HEATR3: variants seen among roughly 807,000 people sequenced by gnomAD.
HEATR3 encodes HEAT repeat-containing protein 3.
In HEATR3, 56 loss-of-function variants were observed where a neutral mutation model predicts 72.8. That is an observed-to-expected ratio of 0.77 (90% CI 0.62 to 0.96). The LOEUF is 0.96. Among genes scored for constraint, HEATR3 ranks in the 40% least tolerant of loss-of-function variants. HEATR3 has a pLI of 0.00. For synonymous variants in HEATR3, 331 were observed against 318.1 expected (o/e 1.04, Z -0.43); for missense variants, 747 against 831.4 (o/e 0.90, Z 1.25).
chr16:50,107,230 A>G lies in HEATR3; in HGVS notation c.*2169A>G, dbSNP rs2037504568. Among the ~76,000 whole-genome samples, 1 of 152,246 alleles carries G rather than the reference A, an allele frequency of 6.6e-6. No homozygotes were observed. The highest frequency in any genetic ancestry group is 2.1e-4 in the South Asian group (1 of 4,836). On this transcript the variant is annotated 3_prime_UTR_variant, in exon 15 of 15. Coordinates refer to ENST00000299192, the MANE Select transcript of HEATR3 (RefSeq NM_182922.4). ...GGACCTAGTATATAGTCGACTCTTCATAAATATTTGTTGAGTAAATAAATG... is the reference window on the plus strand; with the variant it reads ...GGACCTAGTATATAGTCGACTCTTCGTAAATATTTGTTGAGTAAATAAATG...
intron 3 of HEATR3, chr16:50,069,274 A>G (rs1452329809): frequency 6.0e-6 from 1 of 166,156 alleles, no homozygotes; most frequent in Non-Finnish European, 1.3e-5. Context: ...GACATTAGGA[A>G]CTTGTGAAGA....
chr16:50,104,887 G>T (rs921702854), intron 14 of HEATR3, 52 bp from the exon 15 acceptor site: 34 of 1,460,742 alleles, frequency 2.3e-5, no homozygotes, highest in Non-Finnish European at 3.1e-5. Flanking sequence ...TTATTTAAAT[G>T]AATTAATCAT....
chr16:50,104,782 C>T (rs766496980), intron 14 of HEATR3, among the ~76,000 whole-genome samples, 157 bp from the exon 15 acceptor site: 4 of 152,090 alleles, frequency 2.6e-5, no homozygotes, highest in Non-Finnish European at 4.4e-5. Context: ...CTTTACTTAC[C>T]GAGTTCCATT....
chr16:50,093,468 G>A (rs1368431233), intron 11 of HEATR3, among the ~76,000 whole-genome samples: 4 of 152,158 alleles, frequency 2.6e-5, no homozygotes, highest in African/African-American at 4.8e-5. Flanking sequence ...ATTTGGCAAC[G>A]TCTGGAGGTA....
Position 50,084,664 on chromosome 16 carries a change from C to A in HEATR3, c.1373+13C>A. The A allele has an allele frequency of 6.5e-7, 1 of 1,542,350 alleles. No homozygotes were observed. The highest frequency in any genetic ancestry group is 2.2e-5 in the East Asian group (1 of 44,530). On this transcript the variant is annotated intron_variant, in intron 10 of 14. Transcript: ENST00000299192. ...CTTTGATTAGAAAGTAAGAACTCTT[C>A]TGCTTTCAAAAACATTTGTCATTAT...
At position 50,072,705 on chromosome 16, in the gene HEATR3, A is replaced by G. The variant is rs34927843; in HGVS notation, c.613A>G (p.Ile205Val). 851 of 1,564,078 alleles carry G rather than the reference A, an allele frequency of 5.4e-4. 3 individuals are homozygous for G. In the African/African-American group the frequency reaches 9.5e-3, roughly 18 times the overall value. Residue 205 changes from isoleucine (I) to valine (V), a missense_variant, in exon 5 of 15, where the codon ATT (isoleucine) becomes GTT (valine). This residue lies in a region of HEATR3 where 586 missense variants were observed against 708.8 expected (regional missense o/e 0.83). Transcript: ENST00000299192. ...GTTTCCTACCAATGTTGACCTGGCTATTTCAGTAGGTAAGTGAAGAAAAGG... is the reference window on the plus strand; with the variant it reads ...GTTTCCTACCAATGTTGACCTGGCTGTTTCAGTAGGTAAGTGAAGAAAAGG... Reference protein sequence around the residue: ...SRFPTNVDLAISVAYCLQTVT... With the variant: ...SRFPTNVDLAVSVAYCLQTVT...
At chr16:50,093,280 G>A (rs1018749036) in intron 11 of HEATR3, among the ~76,000 whole-genome samples, 1 of 152,184 alleles carries the variant, frequency 6.6e-6, no homozygotes, top group African/African-American at 2.4e-5. Context: ...TACGTAACAA[G>A]TTATTCCAAA....
rs1026756148 is a variant in HEATR3 at position 50,083,559 on chromosome 16, G to C, written c.1042-378G>C. 6.6e-5 allele frequency among the ~76,000 whole-genome samples: 10 copies of C among 152,078 alleles called. 1 individual carries two copies. Among genetic ancestry groups the C allele is most frequent in the Admixed American group, 5.9e-4 (9 of 15,268 alleles). On this transcript the variant is annotated intron_variant, in intron 7 of 14. Transcript: ENST00000299192. ...GCAGGTTTGGTGTTTCTAAGTGCCTGGTGTCTGAAATGAACTCTTGTTTAA... is the reference window on the plus strand; with the variant it reads ...GCAGGTTTGGTGTTTCTAAGTGCCTCGTGTCTGAAATGAACTCTTGTTTAA...
chr16:50,104,273 C>A (rs569812519), intron 14 of HEATR3, among the ~76,000 whole-genome samples: 1 of 152,078 alleles, frequency 6.6e-6, no homozygotes, highest in Admixed American at 6.6e-5. Flanking sequence ...GGATCACTTG[C>A]GTCCGGGAGG....
intron 7 of HEATR3, among the ~76,000 whole-genome samples, chr16:50,081,881 G>C (rs973899040): frequency 6.6e-6 from 1 of 152,114 alleles, no homozygotes; most frequent in African/African-American, 2.4e-5. Context: ...TCTAGTTCCC[G>C]TCACGCTGTC....
At chr16:50,092,418 CTTTTTTTTTTCTTTTTTCT>C (rs2037133942) in intron 11 of HEATR3, among the ~76,000 whole-genome samples, 1 of 81,474 alleles carries the variant, frequency 1.2e-5, no homozygotes, top group East Asian at 3.2e-4. Flanking sequence ...CCAGGTCATT[CTTTTTTTTTTCTTTTTTCT>C]TTTTTTTTTT....
chr16:50,093,831 C>G (rs1008894976), intron 11 of HEATR3, among the ~76,000 whole-genome samples: 9 of 152,170 alleles, frequency 5.9e-5, no homozygotes, highest in African/African-American at 2.2e-4. Context: ...AAAGAGCATG[C>G]ACACATGCGT....
rs368796491 is a variant in HEATR3, at chr16:50,066,438, G to C, written c.210G>C (p.Pro70=). 5.6e-6 allele frequency: 8 copies of C among 1,434,636 alleles called. No individual in the cohort carries two copies. The highest frequency in any genetic ancestry group is 2.9e-5 in the East Asian group (1 of 35,036). 88.9% of individuals were successfully genotyped at this position (1,434,636 alleles called of 1,614,324 possible). ...AGLARLVQQR[P]ALPGLARRDA... is the part of the protein sequence containing the mutation. ...TGGCCCGGCTGGTGCAGCAGCGGCC[G>C]GCACTCCCGGGCCTGGCGCGACGAG... Residue 70 remains proline, a synonymous_variant, in exon 2 of 15, where the codon CCG becomes CCC. Transcript: ENST00000299192.
chr16:50,067,492 C>T (rs2036524120), intron 2 of HEATR3, among the ~76,000 whole-genome samples: 1 of 149,362 alleles, frequency 6.7e-6, no homozygotes, highest in Admixed American at 6.8e-5. Context: ...AAGCAGCAGG[C>T]AGCTTGACGT....
intron 5 of HEATR3, chr16:50,074,960 C>T (rs147567695): frequency 0.011 from 1,580 of 149,638 alleles, 23 homozygotes; most frequent in Middle Eastern, 0.046. Flanking sequence ...CTAGCCTGGG[C>T]GACAGAGCGA....
intron 2 of HEATR3, among the ~76,000 whole-genome samples, chr16:50,067,373 T>C (rs1383269291): frequency 2.0e-5 from 3 of 149,720 alleles, no homozygotes; most frequent in Non-Finnish European, 4.4e-5. Context: ...AAAAAGGTGC[T>C]CTTTAGATGA....
Position 50,102,248 on chromosome 16 carries a change from G to A in HEATR3, c.1744-11G>A, listed in dbSNP as rs569930834. On this transcript the variant is annotated splice_polypyrimidine_tract_variant and intron_variant, in intron 13 of 14. Coordinates refer to ENST00000299192, the MANE Select transcript of HEATR3 (RefSeq NM_182922.4). Reference sequence around the variant, plus strand: ...GTGTTAGTCATACTAAATGTGTTTTGTTGTTTCCAGAACATTGGGTGCTTT... The same window carrying A: ...GTGTTAGTCATACTAAATGTGTTTTATTGTTTCCAGAACATTGGGTGCTTT... 3.7e-6 allele frequency: 6 copies of A among 1,607,044 alleles called. No individual in the cohort carries two copies. In the Admixed American group the frequency reaches 5.2e-5, roughly 14 times the overall value.
intron 6 of HEATR3, among the ~76,000 whole-genome samples, chr16:50,078,314 A>G (rs1295954272): frequency 6.6e-6 from 1 of 152,180 alleles, no homozygotes; most frequent in African/African-American, 2.4e-5. Context: ...TTTGATAATC[A>G]AAAAATTAAG....
In HEATR3 at chr16:50,105,727, G is replaced by A. The variant is rs1353494007; in HGVS notation, c.*666G>A. 1.3e-5 allele frequency: 2 copies of A among 150,406 alleles called. No individual in the cohort carries two copies. Among genetic ancestry groups the A allele is most frequent in the Non-Finnish European group, 3.0e-5 (2 of 67,688 alleles). 9.3% of individuals were successfully genotyped at this position (150,406 alleles called of 1,614,324 possible). A position where few individuals can be genotyped will look rare whatever the true frequency, so the allele number is the denominator to read the frequency against. Reference sequence around the variant, plus strand: ...CCACCACACCTTGTTTTTGTTTTTGGTTTTTTGGTTTGTTTTTTTTTTTCA... The same window carrying A: ...CCACCACACCTTGTTTTTGTTTTTGATTTTTTGGTTTGTTTTTTTTTTTCA... On this transcript the variant is annotated 3_prime_UTR_variant, in exon 15 of 15. Coordinates refer to ENST00000299192, the MANE Select transcript of HEATR3 (RefSeq NM_182922.4).
Sources: allele counts gnomAD v4.1 joint callset (sites outside exome capture counted in the v4.1 genomes callset), GRCh38; gene constraint gnomAD v4.1.1; regional missense constraint gnomAD v4.1.1; transcripts MANE v1.5; gene names NCBI Gene and HGNC (gene_info 2026-07-23, HGNC 2026-07-21).